The following CCR3 variants were observed in gnomAD, a reference collection of about 807,000 sequenced individuals.
The protein encoded by CCR3 is C-C chemokine receptor type 3.
For synonymous variants in CCR3, 203 were observed against 179.2 expected, an observed-to-expected ratio of 1.13 and a Z score of -1.06; for missense variants, 419 against 437.5, an observed-to-expected ratio of 0.96 and a Z score of 0.38.
intron 1 of CCR3, chr3:46,264,686 A>G: frequency 2.1e-6 from 1 of 484,148 alleles, no homozygotes; most frequent in Non-Finnish European, 3.6e-6. Context: ...TGTAATTGTA[A>G]TAATCATTGT....
chr3:46,255,758 C>T (rs1024686981), intron 1 of CCR3, among the ~76,000 whole-genome samples: 7 of 152,058 alleles, frequency 4.6e-5, no homozygotes, highest in African/African-American at 1.7e-4. Flanking sequence ...GGTCTATATG[C>T]CTGTTCTTAT....
At chr3:46,252,200 G>A (rs1472048506) in intron 1 of CCR3, among the ~76,000 whole-genome samples, 22 of 131,520 alleles carry the variant, frequency 1.7e-4, no homozygotes, top group African/African-American at 6.1e-4. Context: ...TTTTGAGACA[G>A]GGTCTTACTC....
intron 2 of CCR3, among the ~76,000 whole-genome samples, chr3:46,233,056 C>A (rs1013844513): frequency 1.3e-5 from 2 of 152,244 alleles, no homozygotes; most frequent in African/African-American, 4.8e-5. Context: ...TGGTCTCGAA[C>A]TCCTGACCTC....
intron 1 of CCR3, chr3:46,264,795 G>GT (rs972601616): frequency 2.7e-6 from 1 of 371,634 alleles, no homozygotes; most frequent in African/African-American, 2.1e-5. Context: ...AGAGACAGTA[G>GT]TAATAATAAT....
chr3:46,260,483 C>T (rs1270849716), intron 1 of CCR3, among the ~76,000 whole-genome samples: 2 of 152,192 alleles, frequency 1.3e-5, no homozygotes, highest in African/African-American at 4.8e-5. Flanking sequence ...TACAGCCATT[C>T]TAAATGGGAG....
chr3:46,248,463 A>G (rs1052558567), intron 1 of CCR3, among the ~76,000 whole-genome samples: 2 of 152,174 alleles, frequency 1.3e-5, no homozygotes, highest in Non-Finnish European at 2.9e-5. Flanking sequence ...TACAGGGTGC[A>G]GTCCTGGCTC....
chr3:46,233,691 C>T (rs910701233), intron 2 of CCR3, among the ~76,000 whole-genome samples: 1 of 152,132 alleles, frequency 6.6e-6, no homozygotes, highest in Admixed American at 6.5e-5. Context: ...AATTTCTTTC[C>T]CGTGGTAGGA....
chr3:46,225,228 G>A (rs1470419900), intron 2 of CCR3, among the ~76,000 whole-genome samples: 1 of 152,228 alleles, frequency 6.6e-6, no homozygotes, highest in African/African-American at 2.4e-5. Context: ...TACTGACTGG[G>A]AAGAAGTGCT....
chr3:46,234,467 A>G (rs1197366916), intron 2 of CCR3, among the ~76,000 whole-genome samples: 1 of 152,158 alleles, frequency 6.6e-6, no homozygotes, highest in African/African-American at 2.4e-5. Context: ...ACCCTTTCAG[A>G]GTCCACTTGG....
chr3:46,262,104 C>A (rs993254259), intron 1 of CCR3, among the ~76,000 whole-genome samples: 5 of 152,184 alleles, frequency 3.3e-5, no homozygotes, highest in Non-Finnish European at 7.3e-5. Flanking sequence ...CAGATCTCTG[C>A]CACCATCTTA....
chr3:46,225,016 A>T (rs941715353), intron 2 of CCR3, among the ~76,000 whole-genome samples: 1 of 152,240 alleles, frequency 6.6e-6, no homozygotes, highest in African/African-American at 2.4e-5. Context: ...TATTCATAAT[A>T]GTCTCAAACT....
rs1249057094 is a variant in CCR3 at position 46,265,301 on chromosome 3, G to A, written c.143G>A (p.Gly48Asp). Reference sequence around the variant, plus strand: ...CTGTACTCCCTGGTGTTCACTGTGGGCCTCTTGGGCAATGTGGTGGTGGTG... The same window carrying A: ...CTGTACTCCCTGGTGTTCACTGTGGACCTCTTGGGCAATGTGGTGGTGGTG... ...PPLYSLVFTVGLLGNVVVVMI... is the reference protein window; with the variant it reads ...PPLYSLVFTVDLLGNVVVVMI... The change falls in exon 2 of 2, where the codon GGC (glycine) becomes GAC (aspartate). Residue 48 changes from glycine (G) to aspartate (D), a missense_variant. Coordinates refer to ENST00000395940, the MANE Select transcript of CCR3 (RefSeq NM_178329.3). 2.5e-6 allele frequency: 4 copies of A among 1,613,970 alleles called. No homozygotes were observed. Among genetic ancestry groups the A allele is most frequent in the Non-Finnish European group, 3.4e-6 (4 of 1,180,014 alleles).
rs41409552 is a variant in CCR3 at position 46,265,982 on chromosome 3, G to A, written c.824G>A (p.Arg275Gln). The A allele has an allele frequency of 0.014, 22,959 of 1,614,008 alleles. 216 individuals are homozygous for A. Among genetic ancestry groups the A allele is most frequent in the Non-Finnish European group, 0.017 (20,350 of 1,179,976 alleles). Residue 275 changes from arginine to glutamine, a missense_variant, in exon 2 of 2, where the codon CGG becomes CAG. By Grantham distance (43) the Arg-to-Gln change is conservative (BLOSUM62 1). Coordinates refer to ENST00000395940, the MANE Select transcript of CCR3 (RefSeq NM_178329.3). The stretch of plus-strand genomic sequence containing the variant: ...ATCTTATTTGGAAATGACTGTGAGC[G>A]GAGCAAGCATCTGGACCTGGTCATG... ...QSILFGNDCE[R>Q]SKHLDLVMLV...
upstream of CCR3, among the ~76,000 whole-genome samples, chr3:46,240,570 C>A (rs1700070526): frequency 6.6e-6 from 1 of 152,168 alleles, no homozygotes; most frequent in Non-Finnish European, 1.5e-5. Context: ...GTAGAACTTG[C>A]ATTTGACATC....
chr3:46,264,625 A>G (rs1469625370), intron 1 of CCR3: 2 of 565,992 alleles, frequency 3.5e-6, no homozygotes, highest in Non-Finnish European at 6.1e-6. Context: ...TTTCCCCATT[A>G]ACTATAATGA....
chr3:46,226,236 A>C (rs1404265719), intron 2 of CCR3, among the ~76,000 whole-genome samples: 1 of 152,226 alleles, frequency 6.6e-6, no homozygotes, highest in Non-Finnish European at 1.5e-5. Flanking sequence ...GAATTTCTAT[A>C]ATATAAATTT....
rs1208367780 is a variant in CCR3, at chr3:46,266,256, A to G, written c.*30A>G. The G allele has an allele frequency of 7.0e-7, 1 of 1,435,388 alleles. No homozygotes were observed. The highest frequency in any genetic ancestry group is 9.7e-7 in the Non-Finnish European group (1 of 1,032,090). 88.9% of individuals were successfully genotyped at this position (1,435,388 alleles called of 1,614,324 possible). On this transcript the variant is annotated 3_prime_UTR_variant, in exon 2 of 2. Transcript: ENST00000395940. ...GATGCAGAAAATTGCCTAAAGAGGA[A>G]GGACCAAGGAGATGAAGCAAACACA...
At chr3:46,264,782 G>T (rs35186248) in intron 1 of CCR3, 10 of 364,184 alleles carry the variant, frequency 2.7e-5, no homozygotes, top group African/African-American at 1.9e-4. Flanking sequence ...GCAAAATGCC[G>T]TAAGAGACAG....
At chr3:46,246,461 C>T (rs986179379) in intron 1 of CCR3, among the ~76,000 whole-genome samples, 2 of 151,334 alleles carry the variant, frequency 1.3e-5, no homozygotes, top group Non-Finnish European at 2.9e-5. Flanking sequence ...TGTTCTCTGG[C>T]GGGCAGGAGT....
Sources: allele counts gnomAD v4.1 joint callset (sites outside exome capture counted in the v4.1 genomes callset), GRCh38; gene constraint gnomAD v4.1.1; transcripts MANE v1.5; gene names NCBI Gene and HGNC (gene_info 2026-07-23, HGNC 2026-07-21).